Variants in ZNF148 observed in about 807,000 individuals in gnomAD.
The protein encoded by ZNF148 is Beta-Enolase Repressor Factor-1.
In ZNF148, 7 loss-of-function variants were observed where a neutral mutation model predicts 67.7. The observed-to-expected ratio is 0.10, with a 90% confidence interval of 0.06 to 0.19. The LOEUF is 0.19. ZNF148 is among the 10% of genes least tolerant of loss of function. The pLI, the probability that ZNF148 is intolerant of heterozygous loss-of-function variation, is 1.00. For missense variants in ZNF148, 583 were observed against 947.1 expected (o/e 0.62, Z 5.05); for synonymous variants, 333 against 330.7 (o/e 1.01, Z -0.08).
intron 7 of ZNF148, among the ~76,000 whole-genome samples, chr3:125,239,864 T>C (rs1359725072): frequency 2.6e-5 from 4 of 152,150 alleles, no homozygotes; most frequent in African/African-American, 9.7e-5. Context: ...GCTACACACA[T>C]GCCCCAAATA....
chr3:125,362,263 C>T (rs758874857), intron 1 of ZNF148, among the ~76,000 whole-genome samples: 8 of 152,176 alleles, frequency 5.3e-5, no homozygotes, highest in Non-Finnish European at 1.2e-4. Context: ...ACACCTTCTC[C>T]ACCTGTAATC....
chr3:125,243,204 A>G (rs1326881928), intron 7 of ZNF148, among the ~76,000 whole-genome samples: 6 of 152,182 alleles, frequency 3.9e-5, no homozygotes, highest in African/African-American at 1.4e-4. Context: ...GGGATTTTCT[A>G]CATCTTCTTA....
chr3:125,327,336 T>TAGA (rs1941074319), intron 2 of ZNF148, among the ~76,000 whole-genome samples: 1 of 152,156 alleles, frequency 6.6e-6, no homozygotes, highest in African/African-American at 2.4e-5. Flanking sequence ...ACAGAATAAT[T>TAGA]AGACAGAAAA....
chr3:125,358,840 C>G (rs528613902), intron 1 of ZNF148, among the ~76,000 whole-genome samples: 71 of 152,306 alleles, frequency 4.7e-4, no homozygotes, highest in African/African-American at 1.6e-3. Flanking sequence ...GATATTGGCT[C>G]TTCTCAATTT....
intron 1 of ZNF148, among the ~76,000 whole-genome samples, chr3:125,369,405 A>AAAAT (rs1942807560): frequency 6.7e-6 from 1 of 149,894 alleles, no homozygotes; most frequent in Admixed American, 6.6e-5. Flanking sequence ...AAAAAAAAAA[A>AAAAT]AAGTGTGCCT....
chr3:125,240,042 A>C (rs1936277672), intron 7 of ZNF148, among the ~76,000 whole-genome samples: 1 of 152,224 alleles, frequency 6.6e-6, no homozygotes, highest in Non-Finnish European at 1.5e-5. Flanking sequence ...CATACTAAAA[A>C]CTAATGAATT....
chr3:125,293,861 TG>T (rs1439369963), intron 4 of ZNF148, among the ~76,000 whole-genome samples: 4 of 152,108 alleles, frequency 2.6e-5, no homozygotes, highest in Non-Finnish European at 5.9e-5. Flanking sequence ...CAATAGATGC[TG>T]AAGTTAGTGG....
intron 1 of ZNF148, among the ~76,000 whole-genome samples, chr3:125,352,494 A>T (rs896672521): frequency 1.1e-4 from 16 of 152,270 alleles, no homozygotes; most frequent in African/African-American, 3.9e-4. Flanking sequence ...CACTGAAAAC[A>T]ACTGAACTGT....
At chr3:125,322,346 T>C (rs1940820019) in intron 3 of ZNF148, among the ~76,000 whole-genome samples, 1 of 151,316 alleles carries the variant, frequency 6.6e-6, no homozygotes, top group Non-Finnish European at 1.5e-5. Flanking sequence ...TAAATCTGAC[T>C]CAAACCTTAA....
Position 125,313,412 on chromosome 3 carries a change from G to A in ZNF148, c.229C>T (p.His77Tyr). Residue 77 changes from histidine to tyrosine, a missense_variant, in exon 4 of 9, where the codon CAT (histidine) becomes TAT (tyrosine). By Grantham distance (83) the His-to-Tyr change is moderately conservative. This residue lies in a region of ZNF148 where 150 missense variants were observed against 202.5 expected (regional missense o/e 0.74). Coordinates refer to ENST00000360647, the MANE Select transcript of ZNF148 (RefSeq NM_021964.3). ...TCCTCATGGACCATGAGTTCATCAT[G>A]TGATATCATATCCTGTTGTCTCATT... ...SEMRQQDMIS[H>Y]DELMVHEETV... 6.2e-7 allele frequency: 1 copy of A among 1,614,036 alleles called. No individual in the cohort carries two copies. The highest frequency in any genetic ancestry group is 8.5e-7 in the Non-Finnish European group (1 of 1,179,988).
rs1397532403 is a variant in ZNF148, at chr3:125,233,760, T to C, written c.966A>G (p.Lys322=). The change falls in exon 9 of 9, where the codon AAA becomes AAG. Residue 322 remains lysine, a synonymous_variant. Transcript: ENST00000360647. This position sits in a 1 kb window ranked among gnomAD's most constrained non-coding sequence, Gnocchi z 5.1. ...LPKKKRQKTE[K]KSSGMDKESA... is the part of the protein sequence containing the mutation. ...TCTCTTTGTCCATTCCAGATGATTT[T>C]TTCTCCGTTTTCTGCCTTTTCTTTT... 1.9e-6 allele frequency: 3 copies of C among 1,613,680 alleles called. No homozygotes were observed. In the African/African-American group the frequency reaches 4.0e-5, roughly 22 times the overall value.
At chr3:125,295,808 T>C (rs1390378214) in intron 4 of ZNF148, among the ~76,000 whole-genome samples, 3 of 152,198 alleles carry the variant, frequency 2.0e-5, no homozygotes, top group Non-Finnish European at 2.9e-5. Context: ...CTTAGTATCA[T>C]AATAAACTCA....
intron 1 of ZNF148, among the ~76,000 whole-genome samples, chr3:125,374,653 T>C (rs549603627): frequency 3.3e-5 from 5 of 151,574 alleles, no homozygotes; most frequent in African/African-American, 9.7e-5. Context: ...CCTTCCCTTC[T>C]CCCAAAGAGC....
intron 1 of ZNF148, among the ~76,000 whole-genome samples, chr3:125,353,722 A>G (rs568235319): frequency 6.6e-6 from 1 of 152,100 alleles, no homozygotes; most frequent in Admixed American, 6.5e-5. Flanking sequence ...CCCATAGTGT[A>G]GGGATTACAG....
chr3:125,253,875 C>A (rs1272897376), intron 7 of ZNF148, among the ~76,000 whole-genome samples: 1 of 152,124 alleles, frequency 6.6e-6, no homozygotes, highest in Non-Finnish European at 1.5e-5. Flanking sequence ...CTGCAATTTT[C>A]TTTTCCTGTC....
chr3:125,361,926 G>C (rs188030395), intron 1 of ZNF148, among the ~76,000 whole-genome samples: 1 of 152,026 alleles, frequency 6.6e-6, no homozygotes, highest in Non-Finnish European at 1.5e-5. Flanking sequence ...TCTAGTTGTA[G>C]ACCTGCTCTT....
At chr3:125,240,143 T>C (rs893369175) in intron 7 of ZNF148, among the ~76,000 whole-genome samples, 2 of 152,198 alleles carry the variant, frequency 1.3e-5, no homozygotes, top group African/African-American at 2.4e-5. Context: ...ATTGATACTA[T>C]GCAAAGTGAG....
chr3:125,292,294 T>A (rs1233454128), intron 4 of ZNF148, among the ~76,000 whole-genome samples: 3 of 152,204 alleles, frequency 2.0e-5, no homozygotes, highest in African/African-American at 7.2e-5. Context: ...TCCACAGCTA[T>A]CCTTTGATTT....
At chr3:125,355,989 G>A (rs1035039943) in intron 1 of ZNF148, among the ~76,000 whole-genome samples, 1 of 152,080 alleles carries the variant, frequency 6.6e-6, no homozygotes, top group East Asian at 1.9e-4. Context: ...GAGGCTAAAA[G>A]TGCTCAAGTT....
Sources: gnomAD v4.1 joint callset for allele counts (sites outside exome capture counted in the v4.1 genomes callset) on GRCh38, gnomAD v4.1.1 for gene constraint, gnomAD v4.1.1 regional missense constraint, Gnocchi (gnomAD v3.1) non-coding constraint, MANE v1.5 for transcripts, NCBI Gene and HGNC (gene_info 2026-07-23, HGNC 2026-07-21) for gene names.